PCLO: variants seen among roughly 807,000 people sequenced by gnomAD.
PCLO encodes the protein protein piccolo.
A neutral mutation model predicts 427.5 loss-of-function variants in PCLO; 82 were observed. The observed-to-expected ratio is 0.19, with a 90% CI of 0.16 to 0.23. PCLO has a LOEUF of 0.23. PCLO is among the 10% of genes least tolerant of loss of function. The pLI, the probability that PCLO is intolerant of heterozygous loss-of-function variation, is 1.00. For synonymous variants in PCLO, 2,357 were observed against 2,155.4 expected (o/e 1.09, Z -2.59); for missense variants, 6,239 against 6,115.9 (o/e 1.02, Z -0.67).
chr7:83,104,567 A>G (rs1790808487), intron 3 of PCLO, among the ~76,000 whole-genome samples: 1 of 152,094 alleles, frequency 6.6e-6, no homozygotes, highest in Non-Finnish European at 1.5e-5. Flanking sequence ...TCACCTGGCT[A>G]TAGTAGCTAC....
In PCLO at chr7:82,931,812, T is replaced by G. The variant is rs185231858; in HGVS notation, c.11113-14939A>C. On this transcript the variant is annotated intron_variant, in intron 6 of 24. Coordinates refer to ENST00000333891, the MANE Select transcript of PCLO (RefSeq NM_033026.6). Reference sequence around the variant, plus strand: ...TCATATTCTACTCATTAGAACCAAGTTATTAAGTCCAGCCCTCACTTAAAG... The same window carrying G: ...TCATATTCTACTCATTAGAACCAAGGTATTAAGTCCAGCCCTCACTTAAAG... Among the ~76,000 whole-genome samples, 288 of 152,194 alleles carry G rather than the reference T, an allele frequency of 1.9e-3. 1 individual carries two copies. The highest frequency in any genetic ancestry group is 6.6e-3 in the African/African-American group (275 of 41,532).
Position 82,758,677 on chromosome 7 carries a change from C to G in PCLO, c.15327G>C (p.Lys5109Asn). The stretch of plus-strand genomic sequence containing the variant: ...AGATACAGGCTTCACCAATCAAGGT[C>G]TTTTTCATAAACTTCCCTCCATTGG... ...LFSNGGKFMK[K>N]TLIGEACIWL... The change falls in exon 25 of 25, where the codon AAG (lysine) becomes AAC (asparagine). Residue 5109 changes from lysine (K) to asparagine (N), a missense_variant. Lys to Asn is a moderately conservative substitution (Grantham distance 94, BLOSUM62 0). This residue lies in a region of PCLO where 877 missense variants were observed against 925.5 expected (regional missense o/e 0.95). Transcript: ENST00000333891. The G allele has an allele frequency of 6.2e-7, 1 of 1,607,408 alleles. No homozygotes were observed. The highest frequency in any genetic ancestry group is 8.5e-7 in the Non-Finnish European group (1 of 1,175,184).
At chr7:82,985,715 AAAAAT>A (rs1348956242) in intron 3 of PCLO, among the ~76,000 whole-genome samples, 1 of 152,118 alleles carries the variant, frequency 6.6e-6, no homozygotes, top group African/African-American at 2.4e-5. Context: ...ATCAAATAGG[AAAAAT>A]AAAATACAAA....
At position 82,953,326 on chromosome 7, in the gene PCLO, T is replaced by A; in HGVS notation, c.7627A>T (p.Thr2543Ser). The change falls in exon 5 of 25, where the codon ACC (threonine) becomes TCC (serine). Residue 2543 changes from threonine to serine, a missense_variant. Thr to Ser is a moderately conservative substitution (Grantham distance 58). This residue lies in a region of PCLO where 4,677 missense variants were observed against 4,468.4 expected (regional missense o/e 1.05). Transcript: ENST00000333891. ...PTGLSLTSSM[T>S]LNLVTSADYK... ...TCTGCTGAAGTCACTAAATTTAAGG[T>A]CATACTTGAAGTTAAAGATAGGCCT... is the stretch of plus-strand genomic sequence containing the variant. 6.2e-7 allele frequency: 1 copy of A among 1,613,750 alleles called. No individual in the cohort carries two copies.
chr7:83,122,004 A>G (rs969430594), intron 3 of PCLO, among the ~76,000 whole-genome samples: 4 of 152,200 alleles, frequency 2.6e-5, no homozygotes, highest in Admixed American at 6.5e-5. Flanking sequence ...ATGGTTCAAC[A>G]TACACTAGTC....
intron 13 of PCLO, among the ~76,000 whole-genome samples, chr7:82,842,221 C>T (rs550487452): frequency 1.3e-5 from 2 of 151,996 alleles, no homozygotes; most frequent in African/African-American, 4.8e-5. Flanking sequence ...CAATAGACAA[C>T]CCCCAAATAA....
intron 3 of PCLO, among the ~76,000 whole-genome samples, chr7:83,038,043 ATATATATCTT>A (rs1194969495): frequency 1.1e-4 from 5 of 46,696 alleles, no homozygotes; most frequent in African/African-American, 6.8e-4. Flanking sequence ...ATATATTTAT[ATATATATCTT>A]TATATATATA....
At chr7:83,057,746 G>A (rs1440198308) in intron 3 of PCLO, among the ~76,000 whole-genome samples, 5 of 151,652 alleles carry the variant, frequency 3.3e-5, no homozygotes, top group African/African-American at 1.2e-4. Context: ...CATAAAATTA[G>A]ACATGGAACT....
chr7:82,783,623 A>AAACC (rs1034582698), intron 22 of PCLO, among the ~76,000 whole-genome samples: 2 of 152,206 alleles, frequency 1.3e-5, no homozygotes, highest in Admixed American at 6.5e-5. Context: ...CTCGGTCTCA[A>AAACC]AACCAACCAA....
intron 3 of PCLO, among the ~76,000 whole-genome samples, chr7:83,078,887 A>G (rs1347907385): frequency 1.3e-5 from 2 of 152,134 alleles, no homozygotes. Context: ...TGGCATTTAT[A>G]AAATAATACC....
At chr7:83,023,161 G>T (rs1233181406) in intron 3 of PCLO, among the ~76,000 whole-genome samples, 1 of 152,038 alleles carries the variant, frequency 6.6e-6, no homozygotes, top group East Asian at 1.9e-4. Context: ...AGTATTAATG[G>T]CATTTAAAAA....
intron 3 of PCLO, among the ~76,000 whole-genome samples, chr7:83,123,379 T>C (rs769514305): frequency 6.6e-6 from 1 of 152,180 alleles, no homozygotes; most frequent in Non-Finnish European, 1.5e-5. Context: ...TTGGGGAAAG[T>C]GTATTCTCTT....
At chr7:83,081,579 T>A (rs975022747) in intron 3 of PCLO, among the ~76,000 whole-genome samples, 3 of 151,866 alleles carry the variant, frequency 2.0e-5, no homozygotes, top group Non-Finnish European at 4.4e-5. Context: ...GTGAAATAGA[T>A]CCAACTGTAT....
chr7:82,860,273 T>C (rs1462932106), intron 10 of PCLO, among the ~76,000 whole-genome samples: 1 of 151,350 alleles, frequency 6.6e-6, no homozygotes, highest in Non-Finnish European at 1.5e-5. Flanking sequence ...CCTAAAGGCA[T>C]TTAATAATCA....
chr7:82,844,392 G>T (rs1442825458), intron 13 of PCLO, among the ~76,000 whole-genome samples: 4 of 152,144 alleles, frequency 2.6e-5, no homozygotes, highest in African/African-American at 9.6e-5. Flanking sequence ...ACGATGCAAT[G>T]ATTAAGGTCA....
chr7:82,912,097 C>T (rs1794336904), intron 7 of PCLO, among the ~76,000 whole-genome samples: 1 of 151,996 alleles, frequency 6.6e-6, no homozygotes, highest in African/African-American at 2.4e-5. Flanking sequence ...GAAAAGCACA[C>T]AACAAATAAT....
chr7:83,033,515 T>C (rs1788721601), intron 3 of PCLO, among the ~76,000 whole-genome samples: 1 of 152,116 alleles, frequency 6.6e-6, no homozygotes, highest in African/African-American at 2.4e-5. Flanking sequence ...AGAATATCCT[T>C]CCATCCCACA....
chr7:82,761,421 A>G lies in PCLO; in HGVS notation c.15080T>C (p.Ile5027Thr). 1.9e-6 allele frequency: 3 copies of G among 1,573,180 alleles called. No individual in the cohort carries two copies. Among genetic ancestry groups the G allele is most frequent in the Non-Finnish European group, 2.6e-6 (3 of 1,149,272 alleles). The stretch of plus-strand genomic sequence containing the variant: ...ATTTCTGCATTGGAGAATTTCAACT[A>G]TTAGTTGTTCACCATCTGTCTTCAT... ...KEMKTDGEQLIVEILQCRNIT... is the reference protein window; with the variant it reads ...KEMKTDGEQLTVEILQCRNIT... Residue 5027 changes from isoleucine to threonine, a missense_variant, in exon 23 of 25, where the codon ATA becomes ACA. Coordinates refer to ENST00000333891, the MANE Select transcript of PCLO (RefSeq NM_033026.6).
intron 9 of PCLO, among the ~76,000 whole-genome samples, chr7:82,884,585 A>G (rs942811276): frequency 6.6e-6 from 1 of 152,172 alleles, no homozygotes; most frequent in East Asian, 1.9e-4. Flanking sequence ...TTAGAAGCAT[A>G]AAGACTAAAT....
Sources: allele counts gnomAD v4.1 joint callset (sites outside exome capture counted in the v4.1 genomes callset), GRCh38; gene constraint gnomAD v4.1.1; regional missense constraint gnomAD v4.1.1; transcripts MANE v1.5; gene names NCBI Gene and HGNC (gene_info 2026-07-23, HGNC 2026-07-21).